Variants in RP1 observed in about 807,000 individuals in gnomAD.
RP1 encodes the protein oxygen-regulated protein 1.
RP1 carries 16 observed loss-of-function variants against 14.8 expected under a neutral mutation model. The observed-to-expected ratio is 1.08, with a 90% CI of 0.73 to 1.65. The LOEUF (loss-of-function observed/expected upper bound fraction) is 1.65, where lower values mean the gene tolerates loss of function less well. RP1 is among the 40% of genes most tolerant of loss of function. RP1 has a pLI of 0.00. For missense variants in RP1, 2,631 were observed against 2,535.0 expected, an observed-to-expected ratio of 1.04 and a Z score of -0.81; for synonymous variants, 876 against 883.6, an observed-to-expected ratio of 0.99 and a Z score of 0.15.
chr8:54,620,016 A>G (rs568880167), intron 1 of RP1, among the ~76,000 whole-genome samples: 73 of 152,336 alleles, frequency 4.8e-4, no homozygotes, highest in African/African-American at 1.7e-3. Flanking sequence ...TTCTCAGTGG[A>G]TGGTTTCTGA....
intron 24 of RP1, among the ~76,000 whole-genome samples, chr8:54,801,226 C>T (rs972626031): frequency 6.6e-6 from 1 of 152,150 alleles, no homozygotes; most frequent in Non-Finnish European, 1.5e-5. Flanking sequence ...TCTGGTTTGT[C>T]TGTTGCAGCT....
intron 28 of RP1, among the ~76,000 whole-genome samples, chr8:54,869,399 A>G (rs1318438579): frequency 6.6e-6 from 1 of 152,134 alleles, no homozygotes; most frequent in Non-Finnish European, 1.5e-5. Flanking sequence ...CAAAATATTA[A>G]TTTTACCTTC....
intron 24 of RP1, among the ~76,000 whole-genome samples, chr8:54,829,072 T>C (rs1811459160): frequency 6.6e-6 from 1 of 152,012 alleles, no homozygotes; most frequent in African/African-American, 2.4e-5. Context: ...TTTGTATTTT[T>C]AGTAGAGACG....
intron 24 of RP1, among the ~76,000 whole-genome samples, chr8:54,792,374 A>T (rs190311728): frequency 2.0e-5 from 3 of 152,098 alleles, no homozygotes; most frequent in Admixed American, 1.3e-4. Flanking sequence ...CCTAACAGAC[A>T]TATACAGAAC....
chr8:54,775,091 C>G lies in RP1; in HGVS notation c.3451+4924C>G, dbSNP rs142424581. Among the ~76,000 whole-genome samples, 681 of 152,086 alleles carry G rather than the reference C, an allele frequency of 4.5e-3. 5 individuals carry two copies. Among genetic ancestry groups the G allele is most frequent in the African/African-American group, 0.015 (641 of 41,474 alleles). On this transcript the variant is annotated intron_variant, in intron 23 of 28. Transcript: ENST00000637698. ...GTGATGACAAAAAAAAAAAATGTCTCCAGACATCAACAAATGTCTCCAAGG... is the reference window on the plus strand; with the variant it reads ...GTGATGACAAAAAAAAAAAATGTCTGCAGACATCAACAAATGTCTCCAAGG...
chr8:54,666,279 G>A (rs891353522), intron 7 of RP1, among the ~76,000 whole-genome samples: 1 of 152,082 alleles, frequency 6.6e-6, no homozygotes, highest in Non-Finnish European at 1.5e-5. Flanking sequence ...CTAAGAAAGT[G>A]CAAGTCCAAC....
chr8:54,778,296 G>T (rs189725779), intron 23 of RP1, among the ~76,000 whole-genome samples: 48 of 150,654 alleles, frequency 3.2e-4, no homozygotes, highest in Admixed American at 2.8e-3. Context: ...GTTACAGGGA[G>T]GAATGTTTGT....
At position 54,769,556 on chromosome 8, in the gene RP1, A is replaced by AG. The variant is rs1450683149; in HGVS notation, c.3249-184dup. On this transcript the variant is annotated intron_variant, in intron 22 of 22. Coordinates refer to the RP1 transcript ENST00000636932. ...CACAGGTATGATTCTTACCATTCTT[A>AG]GTGCTATGATGAATGTGTAATAGGA... Among the ~76,000 whole-genome samples, 3 of 152,170 alleles carry AG rather than the reference A, an allele frequency of 2.0e-5. No homozygotes were observed. The East Asian group carries it at 5.8e-4, about 29-fold the overall frequency.
chr8:54,771,321 C>T (rs1031604507), downstream of RP1, among the ~76,000 whole-genome samples: 9 of 151,820 alleles, frequency 5.9e-5, no homozygotes, highest in African/African-American at 2.2e-4. Flanking sequence ...GAAAAATTAT[C>T]CATTAATACC....
intron 15 of RP1, among the ~76,000 whole-genome samples, chr8:54,711,635 G>T (rs1172444050): frequency 1.3e-5 from 2 of 152,194 alleles, no homozygotes; most frequent in East Asian, 3.8e-4. Flanking sequence ...AATTAGGAAA[G>T]CAAACACCTG....
chr8:54,654,488 A>G (rs1447648152), intron 5 of RP1, among the ~76,000 whole-genome samples: 1 of 152,192 alleles, frequency 6.6e-6, no homozygotes. Context: ...CTTGGCAGTA[A>G]TAACCTTGCA....
intron 8 of RP1, among the ~76,000 whole-genome samples, chr8:54,677,257 CTG>C (rs1807313389): frequency 6.6e-6 from 1 of 151,932 alleles, no homozygotes; most frequent in East Asian, 1.9e-4. Context: ...GAATTAGAAA[CTG>C]TGGAACTCAG....
chr8:54,755,957 C>T (rs2129367588), intron 21 of RP1, among the ~76,000 whole-genome samples: 1 of 152,106 alleles, frequency 6.6e-6, no homozygotes, highest in South Asian at 2.1e-4. Flanking sequence ...AAAAATGGGA[C>T]ATACTAAACC....
intron 1 of RP1, among the ~76,000 whole-genome samples, chr8:54,598,447 T>G (rs2129303486): frequency 6.6e-6 from 1 of 152,302 alleles, no homozygotes; most frequent in South Asian, 2.1e-4. Context: ...TTCCTCTACT[T>G]CATTGAGAGC....
At chr8:54,815,000 C>A (rs1811105590) in intron 24 of RP1, among the ~76,000 whole-genome samples, 1 of 152,218 alleles carries the variant, frequency 6.6e-6, no homozygotes, top group South Asian at 2.1e-4. Flanking sequence ...CAAAGCGAGA[C>A]TCCGTCTCAA....
At chr8:54,606,241 G>A (rs1270418544) in intron 1 of RP1, among the ~76,000 whole-genome samples, 4 of 152,168 alleles carry the variant, frequency 2.6e-5, no homozygotes, top group Non-Finnish European at 5.9e-5. Flanking sequence ...AGGCCTGGTG[G>A]TGACAAAATC....
At chr8:54,655,439 T>C (rs960019171) in intron 5 of RP1, among the ~76,000 whole-genome samples, 1 of 152,126 alleles carries the variant, frequency 6.6e-6, no homozygotes, top group African/African-American at 2.4e-5. Flanking sequence ...AACTCCAGGA[T>C]AAATGGATCA....
At chr8:54,709,931 G>A (rs967168394) in intron 15 of RP1, among the ~76,000 whole-genome samples, 1 of 152,178 alleles carries the variant, frequency 6.6e-6, no homozygotes, top group Admixed American at 6.5e-5. Flanking sequence ...CTCCTGGAGT[G>A]CAACCTTCAG....
intron 1 of RP1, among the ~76,000 whole-genome samples, chr8:54,581,275 G>A (rs1473298627): frequency 2.6e-5 from 4 of 151,922 alleles, no homozygotes; most frequent in Non-Finnish European, 5.9e-5. Context: ...CTGCCCTTGC[G>A]ATAGTTTGCT....
Sources: gnomAD v4.1 joint callset for allele counts (sites outside exome capture counted in the v4.1 genomes callset) on GRCh38, gnomAD v4.1.1 for gene constraint, MANE v1.5 for transcripts, NCBI Gene and HGNC (gene_info 2026-07-23, HGNC 2026-07-21) for gene names.